Variants in EXOC3L1 observed in about 807,000 individuals in gnomAD.
EXOC3L1 encodes exocyst complex component 3 like 1, also known as exocyst complex component 3-like protein.
Under a neutral mutation model 83.6 loss-of-function variants are expected in EXOC3L1, and 79 were observed. That is an observed-to-expected ratio of 0.95 (90% CI 0.79 to 1.14). The LOEUF is 1.14. EXOC3L1 is among the 50% of genes most tolerant of loss of function. EXOC3L1 has a pLI of 0.00. For missense variants in EXOC3L1, 945 were observed against 972.0 expected (o/e 0.97, Z 0.37); for synonymous variants, 433 against 451.2 (o/e 0.96, Z 0.51).
chr16:67,186,606 G>T lies in EXOC3L1; in HGVS notation c.1336C>A (p.Gln446Lys). The change falls in exon 8 of 14, where the codon CAG (glutamine) becomes AAG (lysine). Residue 446 changes from glutamine (Q) to lysine (K), a missense_variant. Transcript: ENST00000314586. ...GACAGTGCCATGCCATGCACTCGCT[G>T]TTGCAGTGACTCACTGACCAGGCTG... is the stretch of plus-strand genomic sequence containing the variant. The part of the protein sequence containing the change: ...VASLVSESLQ[Q>K]RVHGMALSEL... 1 of 1,614,148 alleles carries T rather than the reference G, an allele frequency of 6.2e-7. No individual in the cohort carries two copies. The highest frequency in any genetic ancestry group is 1.1e-5 in the South Asian group (1 of 91,084).
Position 67,188,778 on chromosome 16 carries a change from C to T in EXOC3L1, c.370G>A (p.Val124Ile), listed in dbSNP as rs1216806373. ...LQTLEPLRER[V>I]AQHKQLQALS... Reference sequence around the variant, plus strand: ...GCCTGCAGTTGCTTGTGCTGGGCAACCCGCTCCCGTAGGGGCTCTAGAGTC... The same window carrying T: ...GCCTGCAGTTGCTTGTGCTGGGCAATCCGCTCCCGTAGGGGCTCTAGAGTC... The change falls in exon 4 of 14, where the codon GTT (valine) becomes ATT (isoleucine). Residue 124 changes from valine to isoleucine, a missense_variant. Transcript: ENST00000314586. 6.2e-7 allele frequency: 1 copy of T among 1,613,154 alleles called. No individual in the cohort carries two copies. Among genetic ancestry groups the T allele is most frequent in the Non-Finnish European group, 8.5e-7 (1 of 1,179,958 alleles).
chr16:67,186,904 G>A lies in EXOC3L1; in HGVS notation c.1159-20C>T, dbSNP rs755654727. 13 of 1,613,256 alleles carry A rather than the reference G, an allele frequency of 8.1e-6. No individual in the cohort carries two copies. Among genetic ancestry groups the A allele is most frequent in the Non-Finnish European group, 1.1e-5 (13 of 1,179,996 alleles). ...ACTTGCCTGGGGGGAGGGGCCAGGG[G>A]CAAAGGAATGTAGCAGGGATCTGAC... On this transcript the variant is annotated intron_variant, in intron 6 of 13. Transcript: ENST00000314586.
chr16:67,184,411 G>C lies in EXOC3L1; in HGVS notation c.2224C>G (p.Leu742Val), dbSNP rs779945642. The C allele has an allele frequency of 1.8e-5, 28 of 1,533,640 alleles. No homozygotes were observed. The highest frequency in any genetic ancestry group is 2.2e-5 in the Non-Finnish European group (25 of 1,145,728). Residue 742 changes from leucine to valine, a missense_variant, in exon 14 of 14, where the codon CTG becomes GTG. Transcript: ENST00000314586. ...GCCGTGGTTTATTCTGCGAGCAGCAGGGCTCGGGCGCAGGACCCCGAGGGC... is the reference window on the plus strand; with the variant it reads ...GCCGTGGTTTATTCTGCGAGCAGCACGGCTCGGGCGCAGGACCCCGAGGGC... ...CLPSGSCARA[L>V]LLAE
Position 67,187,568 on chromosome 16 carries a change from G to C in EXOC3L1, c.697C>G (p.Arg233Gly), listed in dbSNP as rs199535071. ...GGGACCTGGCCCAGGGGGGTTGTTC[G>C]TCCAGTCTCCACCTCCGCCACACGC... is the stretch of plus-strand genomic sequence containing the variant. ...AVRVAEVETG[R>G]TTPLGQVPRD... The change falls in exon 5 of 14, where the codon CGA (arginine) becomes GGA (glycine). Residue 233 changes from arginine (R) to glycine (G), a missense_variant. Coordinates refer to ENST00000314586, the MANE Select transcript of EXOC3L1 (RefSeq NM_178516.4). The C allele has an allele frequency of 2.5e-6, 4 of 1,604,268 alleles. No homozygotes were observed. The highest frequency in any genetic ancestry group is 1.7e-6 in the Non-Finnish European group (2 of 1,178,626).
At chr16:67,186,721 A>G (rs1409219276) in intron 7 of EXOC3L1, 38 bp downstream of exon 7, 7 of 1,613,456 alleles carry the variant, frequency 4.3e-6, no homozygotes, top group African/African-American at 1.3e-5. Flanking sequence ...CCACTGCCCC[A>G]TGGAGGCTGC....
chr16:67,186,901 G>T lies in EXOC3L1; in HGVS notation c.1159-17C>A. On this transcript the variant is annotated splice_polypyrimidine_tract_variant and intron_variant, in intron 6 of 13. Coordinates refer to ENST00000314586, the MANE Select transcript of EXOC3L1 (RefSeq NM_178516.4). The stretch of plus-strand genomic sequence containing the variant: ...CACACTTGCCTGGGGGGAGGGGCCA[G>T]GGGCAAAGGAATGTAGCAGGGATCT... 1 of 1,613,344 alleles carries T rather than the reference G, an allele frequency of 6.2e-7. No homozygotes were observed. The highest frequency in any genetic ancestry group is 1.3e-5 in the African/African-American group (1 of 74,966).
chr16:67,189,681 G>T lies in EXOC3L1; in HGVS notation c.-5C>A. Reference sequence around the variant, plus strand: ...ATCCTTGGCTGCTGAGTCCATTGTGGGCCTGGAGGAGCCAGAGCTGAGGTG... The same window carrying T: ...ATCCTTGGCTGCTGAGTCCATTGTGTGCCTGGAGGAGCCAGAGCTGAGGTG... On this transcript the variant is annotated splice_region_variant and 5_prime_UTR_variant, in exon 2 of 14. Transcript: ENST00000314586. 6.2e-7 allele frequency: 1 copy of T among 1,614,008 alleles called. No individual in the cohort carries two copies.
chr16:67,186,384 A>C (rs2032722720), intron 8 of EXOC3L1, 37 bp from the exon 9 acceptor site: 3 of 1,499,028 alleles, frequency 2.0e-6, no homozygotes, highest in Non-Finnish European at 2.7e-6. Flanking sequence ...ACTTGCTGCT[A>C]TGCTGGCATC....
Position 67,185,491 on chromosome 16 carries a change from C to A in EXOC3L1, c.1497-1G>T. ...CAGCTGCAGGACAGACACTGAGGAG[C>A]TGGACCAAGCAAAACTACGGCTTCA... On this transcript the variant is annotated splice_acceptor_variant, in intron 9 of 13. Transcript: ENST00000314586. LOFTEE classifies it high-confidence loss of function. The A allele has an allele frequency of 6.2e-7, 1 of 1,605,992 alleles. No homozygotes were observed.
chr16:67,185,549 G>T, intron 9 of EXOC3L1, 59 bp from the exon 10 acceptor site: 18 of 1,514,190 alleles, frequency 1.2e-5, no homozygotes, highest in Non-Finnish European at 1.5e-5. Context: ...GGCCCTCGGT[G>T]GTCCAGACCC....
intron 9 of EXOC3L1, among the ~76,000 whole-genome samples, chr16:67,185,815 C>T (rs2032696624): frequency 6.6e-6 from 1 of 152,140 alleles, no homozygotes; most frequent in African/African-American, 2.4e-5. Context: ...ACTTGTTTTC[C>T]TTGCCCCCAC....
Position 67,187,293 on chromosome 16 carries a change from A to G in EXOC3L1, c.972T>C (p.Leu324=), listed in dbSNP as rs553773328. ...CCGCAGCTTCTAGCTCAGGCCCTGC[A>G]AGGAGGTTCTGCAGGCTGCGGCGCA... ...SGLRRSLQNL[L]AGPELEAADA... The change falls in exon 5 of 14, where the codon CTT becomes CTC. Residue 324 remains leucine (L), a synonymous_variant. Coordinates refer to ENST00000314586, the MANE Select transcript of EXOC3L1 (RefSeq NM_178516.4). The G allele has an allele frequency of 1.9e-6, 3 of 1,613,010 alleles. No homozygotes were observed. The highest frequency in any genetic ancestry group is 1.7e-5 in the Admixed American group (1 of 60,020).
chr16:67,189,265 T>C, intron 2 of EXOC3L1, 85 bp from the exon 3 acceptor site: 1 of 1,270,492 alleles, frequency 7.9e-7, no homozygotes, highest in Non-Finnish European at 1.0e-6. Flanking sequence ...TATTTATTTA[T>C]TTATTTATTT....
At chr16:67,184,625 C>T (rs1171476818) in intron 13 of EXOC3L1, 21 bp from the exon 14 acceptor site, 1 of 1,584,248 alleles carries the variant, frequency 6.3e-7, no homozygotes, top group Admixed American at 1.7e-5. Flanking sequence ...ACCAAGGAGG[C>T]GCGTCAGCCC....
chr16:67,187,214 A>G lies in EXOC3L1; in HGVS notation c.1040+11T>C. The G allele has an allele frequency of 6.2e-7, 1 of 1,609,444 alleles. No individual in the cohort carries two copies. Reference sequence around the variant, plus strand: ...TGATCCCCCATGTCCCGCTGCCCCAAAGGCACTGACCCCAGGTACACATGC... The same window carrying G: ...TGATCCCCCATGTCCCGCTGCCCCAGAGGCACTGACCCCAGGTACACATGC... On this transcript the variant is annotated intron_variant, in intron 5 of 13. Coordinates refer to ENST00000314586, the MANE Select transcript of EXOC3L1 (RefSeq NM_178516.4).
In EXOC3L1 at chr16:67,187,644, C is replaced by T; in HGVS notation, c.621G>A (p.Gly207=). ...CCTCCCGTGCCAGCTTCCCTGCGGC[C>T]CCTGCAGCTGCTTCCACAGCCTGGC... ...ALGQAVEAAA[G]AAGKLAREDP... The change falls in exon 5 of 14, where the codon GGG becomes GGA. Residue 207 remains glycine (G), a synonymous_variant. Coordinates refer to ENST00000314586, the MANE Select transcript of EXOC3L1 (RefSeq NM_178516.4). The T allele has an allele frequency of 1.2e-6, 2 of 1,610,456 alleles. No homozygotes were observed. Among genetic ancestry groups the T allele is most frequent in the Non-Finnish European group, 1.7e-6 (2 of 1,178,580 alleles).
At chr16:67,188,674 G>A (rs1312493396) in intron 4 of EXOC3L1, 47 bp downstream of exon 4, 7 of 1,553,686 alleles carry the variant, frequency 4.5e-6, no homozygotes, top group Non-Finnish European at 6.2e-6. Flanking sequence ...ATGGGTGTTT[G>A]TGGACTGACT....
At position 67,184,702 on chromosome 16, in the gene EXOC3L1, G is replaced by T. The variant is rs761685392; in HGVS notation, c.2014C>A (p.Gln672Lys). Residue 672 changes from glutamine (Q) to lysine (K), a missense_variant, in exon 13 of 14, where the codon CAA becomes AAA. Coordinates refer to ENST00000314586, the MANE Select transcript of EXOC3L1 (RefSeq NM_178516.4). ...LGLEVAGLRQ[Q>K]FPDVSEDHVS... Reference sequence around the variant, plus strand: ...AGTCCGCACCTCACGTCGGGAAATTGTTGCCGCAGGCCAGCCACCTCCAGG... The same window carrying T: ...AGTCCGCACCTCACGTCGGGAAATTTTTGCCGCAGGCCAGCCACCTCCAGG... The T allele has an allele frequency of 3.8e-6, 6 of 1,576,402 alleles. No homozygotes were observed. The Admixed American group carries it at 6.9e-5, about 18-fold the overall frequency.
chr16:67,185,449 C>G lies in EXOC3L1; in HGVS notation c.1538G>C (p.Gly513Ala), dbSNP rs776547426. The change falls in exon 10 of 14, where the codon GGG (glycine) becomes GCG (alanine). Residue 513 changes from glycine (G) to alanine (A), a missense_variant. Coordinates refer to ENST00000314586, the MANE Select transcript of EXOC3L1 (RefSeq NM_178516.4). ...SVLQLDGAPS[G>A]ALAPVEAALD... ...CGCAGCTTCCACTGGAGCCAAGGCCCCTGAAGGCGCCCCGTCCAGCTGCAG... is the reference window on the plus strand; with the variant it reads ...CGCAGCTTCCACTGGAGCCAAGGCCGCTGAAGGCGCCCCGTCCAGCTGCAG... The G allele has an allele frequency of 2.5e-6, 4 of 1,610,764 alleles. No homozygotes were observed. The Admixed American group carries it at 5.0e-5, about 20-fold the overall frequency.
Sources: gnomAD v4.1 joint callset for allele counts (sites outside exome capture counted in the v4.1 genomes callset) on GRCh38, gnomAD v4.1.1 for gene constraint, MANE v1.5 for transcripts, NCBI Gene and HGNC (gene_info 2026-07-23, HGNC 2026-07-21) for gene names.